ZNF518A: variants seen among roughly 807,000 people sequenced by gnomAD.
The protein encoded by ZNF518A is zinc finger protein 518A.
ZNF518A carries 47 observed loss-of-function variants against 102.7 expected under a neutral mutation model. The ratio of observed to expected loss-of-function variants is 0.46; its 90% CI spans 0.36 to 0.58. The LOEUF (loss-of-function observed/expected upper bound fraction) is 0.58. Among genes scored for constraint, ZNF518A ranks in the 20% least tolerant of loss-of-function variants. ZNF518A has a pLI of 0.00. For missense variants in ZNF518A, 1,793 were observed against 1,699.8 expected (o/e 1.05, Z -0.96); for synonymous variants, 652 against 594.6 (o/e 1.10, Z -1.40).
At chr10:96,130,800 C>T (rs1004827216) in intron 1 of ZNF518A, 48 bp downstream of exon 1, 2 of 152,418 alleles carry the variant, frequency 1.3e-5, no homozygotes, top group East Asian at 1.9e-4. Context: ...AGTTGGATTT[C>T]TTTGTAACTG....
rs1554882651 is a variant in ZNF518A at position 96,156,682 on chromosome 10, C to G, written c.360C>G (p.Ser120Arg). 2 of 1,613,620 alleles carry G rather than the reference C, an allele frequency of 1.2e-6. No individual in the cohort carries two copies. The highest frequency in any genetic ancestry group is 2.2e-5 in the East Asian group (1 of 44,854). Residue 120 changes from serine (S) to arginine (R), a missense_variant, in exon 6 of 6, where the codon AGC becomes AGG. Physicochemically the swap from Ser to Arg is moderately radical, Grantham distance 110. Transcript: ENST00000316045. ...VKMSAKILNFSCLKCRDNTRY... is the reference protein window; with the variant it reads ...VKMSAKILNFRCLKCRDNTRY... ...TGTCTGCAAAAATACTCAATTTCAG[C>G]TGTTTAAAATGCCGAGACAACACTC... is the stretch of plus-strand genomic sequence containing the variant.
chr10:96,179,724 G>GA (rs1179773834), intron 1 of ZNF518A, among the ~76,000 whole-genome samples: 4 of 151,882 alleles, frequency 2.6e-5, no homozygotes, highest in Non-Finnish European at 5.9e-5. Flanking sequence ...CTGGTTGAAT[G>GA]AAAAAATAAC....
intron 3 of ZNF518A, among the ~76,000 whole-genome samples, chr10:96,154,871 T>C (rs1252345088): frequency 1.3e-5 from 2 of 152,174 alleles, no homozygotes; most frequent in Non-Finnish European, 2.9e-5. Flanking sequence ...ATTATAGATC[T>C]CTTAATATGT....
Position 96,159,361 on chromosome 10 carries a change from T to C in ZNF518A, c.3039T>C (p.Ile1013=). The part of the protein sequence containing the change: ...TVTKEPCKTP[I]LKVEPNNNCL... ...CTAAGGAGCCTTGCAAAACACCTAT[T>C]TTGAAGGTAGAACCAAACAATAATT... The change falls in exon 6 of 6, where the codon ATT becomes ATC. Residue 1013 remains isoleucine (I), a synonymous_variant. Transcript: ENST00000316045. 1 of 1,613,826 alleles carries C rather than the reference T, an allele frequency of 6.2e-7. No individual in the cohort carries two copies.
downstream of ZNF518A, chr10:96,205,135 T>A (rs2133967928): frequency 6.1e-6 from 1 of 164,002 alleles, no homozygotes; most frequent in African/African-American, 2.4e-5. Flanking sequence ...GTTATCCCTA[T>A]AATAATGTAA....
chr10:96,168,656 A>T (rs1021889160), downstream of ZNF518A, among the ~76,000 whole-genome samples: 1 of 152,094 alleles, frequency 6.6e-6, no homozygotes, highest in Admixed American at 6.5e-5. Context: ...TTAATTTTCC[A>T]TTCAACACTT....
At chr10:96,199,677 C>G in intron 1 of ZNF518A, 1 of 376,640 alleles carries the variant, frequency 2.7e-6, no homozygotes, top group Non-Finnish European at 5.3e-6. Context: ...ATCATAAGGA[C>G]GACAACTGTG....
chr10:96,178,916 T>G (rs909389647), intron 1 of ZNF518A, among the ~76,000 whole-genome samples: 75 of 152,202 alleles, frequency 4.9e-4, no homozygotes, highest in African/African-American at 1.8e-3. Context: ...AAATCATAAT[T>G]GAAAACCTTC....
intron 3 of ZNF518A, among the ~76,000 whole-genome samples, chr10:96,150,168 CAAA>C (rs60041911): frequency 2.3e-5 from 3 of 132,652 alleles, no homozygotes; most frequent in East Asian, 2.1e-4. Context: ...ACTAAAAATA[CAAA>C]AAAAAAAAAA....
Position 96,157,442 on chromosome 10 carries a change from G to T in ZNF518A, c.1120G>T (p.Asp374Tyr). 9 of 1,613,598 alleles carry T rather than the reference G, an allele frequency of 5.6e-6. No individual in the cohort carries two copies. Among genetic ancestry groups the T allele is most frequent in the Non-Finnish European group, 7.6e-6 (9 of 1,179,706 alleles). The change falls in exon 6 of 6, where the codon GAT becomes TAT. Residue 374 changes from aspartate (D) to tyrosine (Y), a missense_variant. Physicochemically the swap from Asp to Tyr is radical, Grantham distance 160. Coordinates refer to ENST00000316045, the MANE Select transcript of ZNF518A (RefSeq NM_001330736.2). ...TCAAGAGCATTTAAGTGAAGAAAAG[G>T]ATGAAAGACTACACTGTGAGAATAA... ...VVQEHLSEEKDERLHCENNDK... is the reference protein window; with the variant it reads ...VVQEHLSEEKYERLHCENNDK...
Position 96,160,172 on chromosome 10 carries a change from A to G in ZNF518A, c.3850A>G (p.Ser1284Gly). ...AAACTGTAAACGAAAGTGTAGGGAT[A>G]GTTACCAAGAACCTCCAAGAAGAAA... ...NRNCKRKCRD[S>G]YQEPPRRKAT... The change falls in exon 6 of 6, where the codon AGT (serine) becomes GGT (glycine). Residue 1284 changes from serine (S) to glycine (G), a missense_variant. Ser to Gly is a moderately conservative substitution (Grantham distance 56). Coordinates refer to ENST00000316045, the MANE Select transcript of ZNF518A (RefSeq NM_001330736.2). The G allele has an allele frequency of 6.2e-7, 1 of 1,609,652 alleles. No homozygotes were observed. The highest frequency in any genetic ancestry group is 8.5e-7 in the Non-Finnish European group (1 of 1,178,088).
intron 1 of ZNF518A, among the ~76,000 whole-genome samples, chr10:96,198,415 G>T (rs1285778744): frequency 1.3e-5 from 2 of 152,144 alleles, no homozygotes; most frequent in Admixed American, 1.3e-4. Context: ...TATTGAAAGG[G>T]CTTCTGTCTA....
chr10:96,169,709 TTGCTC>T (rs1444746468), intron 1 of ZNF518A, among the ~76,000 whole-genome samples: 8 of 152,256 alleles, frequency 5.3e-5, no homozygotes, highest in South Asian at 2.1e-4. Context: ...GGGTCATACT[TTGCTC>T]TGCATGTCTC....
rs1482608895 is a variant in ZNF518A at position 96,199,423 on chromosome 10, C to G, written n.36-4151C>G. On this transcript the variant is annotated intron_variant and non_coding_transcript_variant, in intron 1 of 2. Coordinates refer to the ZNF518A transcript ENST00000442635. ...AATCCTGCACATTGATCCAAAATAG[C>G]CTGTCACTGTTCACTCCTCAGTGGA... is the stretch of plus-strand genomic sequence containing the variant. The G allele has an allele frequency of 4.1e-5, 17 of 411,956 alleles. No homozygotes were observed. In the East Asian group the frequency reaches 5.1e-4, roughly 12 times the overall value. 25.5% of individuals were successfully genotyped at this position (411,956 alleles called of 1,614,324 possible).
Position 96,158,792 on chromosome 10 carries a change from G to T in ZNF518A, c.2470G>T (p.Gly824Cys), listed in dbSNP as rs782581585. 6.2e-7 allele frequency: 1 copy of T among 1,613,636 alleles called. No individual in the cohort carries two copies. Among genetic ancestry groups the T allele is most frequent in the Non-Finnish European group, 8.5e-7 (1 of 1,179,686 alleles). Residue 824 changes from glycine to cysteine, a missense_variant, in exon 6 of 6, where the codon GGC becomes TGC. Physicochemically the swap from Gly to Cys is radical, Grantham distance 159. Coordinates refer to ENST00000316045, the MANE Select transcript of ZNF518A (RefSeq NM_001330736.2). ...DQSFQKHERE[G>C]KIVESSKDFK... ...GTCATTTCAAAAACACGAGAGAGAA[G>T]GCAAAATTGTTGAATCTTCGAAAGA... is the stretch of plus-strand genomic sequence containing the variant.
At chr10:96,204,507 G>A (rs377030650), downstream of ZNF518A, 1 of 1,609,058 alleles carries the variant, frequency 6.2e-7, no homozygotes, top group Non-Finnish European at 8.5e-7. Context: ...AGAGGAAACT[G>A]ATCTTTAAAG....
At chr10:96,203,973 G>T (rs2083726208) in exon 3 of ZNF518A, 2 of 1,145,212 alleles carry the variant, frequency 1.7e-6, no homozygotes, top group Non-Finnish European at 2.6e-6. Flanking sequence ...AAGCGACAGT[G>T]CTGTGTTAGA....
At chr10:96,140,640 G>A (rs2081871836) in intron 3 of ZNF518A, among the ~76,000 whole-genome samples, 1 of 152,000 alleles carries the variant, frequency 6.6e-6, no homozygotes, top group Non-Finnish European at 1.5e-5. Flanking sequence ...TATTAAAAAG[G>A]TGATTTCTGC....
chr10:96,158,191 C>T lies in ZNF518A; in HGVS notation c.1869C>T (p.Gly623=). The T allele has an allele frequency of 6.2e-7, 1 of 1,613,418 alleles. No homozygotes were observed. The highest frequency in any genetic ancestry group is 8.5e-7 in the Non-Finnish European group (1 of 1,179,560). Residue 623 remains glycine (G), a synonymous_variant, in exon 6 of 6, where the codon GGC becomes GGT. Coordinates refer to ENST00000316045, the MANE Select transcript of ZNF518A (RefSeq NM_001330736.2). ...GDMHNYCINY[G]NCELPVESSN... ...TGCATAATTATTGCATTAATTATGG[C>T]AACTGTGAGTTACCTGTTGAATCCT...
Sources: allele counts gnomAD v4.1 joint callset (sites outside exome capture counted in the v4.1 genomes callset), GRCh38; gene constraint gnomAD v4.1.1; transcripts MANE v1.5; gene names NCBI Gene and HGNC (gene_info 2026-07-23, HGNC 2026-07-21).